PHACTR4: variants seen among roughly 807,000 people sequenced by gnomAD.
PHACTR4 encodes phosphatase and actin regulator 4.
A neutral mutation model predicts 72.7 loss-of-function variants in PHACTR4; 51 were observed. The observed-to-expected ratio is 0.70, with a 90% CI of 0.56 to 0.89. PHACTR4 has a LOEUF of 0.89. Ranked by LOEUF, PHACTR4 falls within the 40% of genes least tolerant of loss-of-function variation. The probability of loss-of-function intolerance (pLI) is 0.00; values close to 1 mark genes in which losing one functional copy is unlikely to be tolerated. For missense variants in PHACTR4, 731 were observed against 861.8 expected, an observed-to-expected ratio of 0.85 and a Z score of 1.90; for synonymous variants, 255 against 302.5, an observed-to-expected ratio of 0.84 and a Z score of 1.63.
rs1257840170 is a variant in PHACTR4 at position 28,499,567 on chromosome 1, C to A, written c.*3018C>A. ...CAATCTTGGCTCAGAGCAACCTCTG[C>A]CTCCCAGGCTCAAGCAATCCTCCCA... On this transcript the variant is annotated 3_prime_UTR_variant, in exon 14 of 14. Transcript: ENST00000373839. The A allele has an allele frequency of 1.3e-5, 2 of 152,248 alleles. No individual in the cohort carries two copies. Among genetic ancestry groups the A allele is most frequent in the African/African-American group, 4.8e-5 (2 of 41,430 alleles). The allele number at this position is 152,248 out of a possible 1,614,324, so 9.4% of individuals were successfully genotyped here.
intron 3 of PHACTR4, 98 bp downstream of exon 3, chr1:28,459,356 A>G: frequency 3.3e-6 from 3 of 901,360 alleles, no homozygotes; most frequent in Non-Finnish European, 4.9e-6. Flanking sequence ...GTAGTCCTCT[A>G]TTTGAAGAGG....
intron 2 of PHACTR4, chr1:28,457,882 G>A (rs747565765): frequency 1.2e-4 from 122 of 982,328 alleles, no homozygotes; most frequent in Non-Finnish European, 1.4e-4. Flanking sequence ...GCTGCATTGT[G>A]TACCTTCCTG....
At chr1:28,413,529 T>C (rs1654913575) in intron 2 of PHACTR4, among the ~76,000 whole-genome samples, 1 of 152,232 alleles carries the variant, frequency 6.6e-6, no homozygotes, top group Non-Finnish European at 1.5e-5. Context: ...GGAATAATTA[T>C]CTAATTCATT....
chr1:28,473,910 G>T lies in PHACTR4; in HGVS notation c.1180G>T (p.Val394Phe), dbSNP rs1331313511. Residue 394 changes from valine (V) to phenylalanine (F), a missense_variant, in exon 7 of 14, where the codon GTC becomes TTC. Physicochemically the swap from Val to Phe is conservative, Grantham distance 50 (BLOSUM62 -1). Transcript: ENST00000373839. ...IPQQEDQKKE[V>F]PKRILDQNFG... ...CCAGCAGGAAGATCAGAAAAAGGAAGTCCCCAAGAGGATACTGGACCAGAA... is the reference window on the plus strand; with the variant it reads ...CCAGCAGGAAGATCAGAAAAAGGAATTCCCCAAGAGGATACTGGACCAGAA... 1 of 1,614,140 alleles carries T rather than the reference G, an allele frequency of 6.2e-7. No homozygotes were observed. Among genetic ancestry groups the T allele is most frequent in the African/African-American group, 1.3e-5 (1 of 75,018 alleles).
chr1:28,380,352 G>A (rs941133343), intron 1 of PHACTR4, among the ~76,000 whole-genome samples: 2 of 152,078 alleles, frequency 1.3e-5, no homozygotes, highest in Admixed American at 6.6e-5. Context: ...CACCGCGCCC[G>A]GCCTTAAATG....
intron 8 of PHACTR4, among the ~76,000 whole-genome samples, chr1:28,478,327 A>G (rs1660051671): frequency 6.6e-6 from 1 of 152,086 alleles, no homozygotes; most frequent in Non-Finnish European, 1.5e-5. Flanking sequence ...CTGATTCCAT[A>G]TCTTGGGGAT....
chr1:28,408,418 C>T (rs892362452), intron 2 of PHACTR4, among the ~76,000 whole-genome samples: 1 of 152,048 alleles, frequency 6.6e-6, no homozygotes, highest in African/African-American at 2.4e-5. Flanking sequence ...ATTAGCTGGG[C>T]ATGGTAGTGG....
At chr1:28,371,708 T>C (rs1224858438) in intron 1 of PHACTR4, among the ~76,000 whole-genome samples, 2 of 151,778 alleles carry the variant, frequency 1.3e-5, no homozygotes, top group Admixed American at 6.6e-5. Context: ...CTCAAGCCTC[T>C]GCCTCCAGAG....
At chr1:28,370,191 C>T (rs1651122580) in intron 1 of PHACTR4, among the ~76,000 whole-genome samples, 2 of 152,112 alleles carry the variant, frequency 1.3e-5, no homozygotes, top group Admixed American at 6.5e-5. Flanking sequence ...GGGACTGCTC[C>T]CTGGGGATCC....
intron 9 of PHACTR4, among the ~76,000 whole-genome samples, chr1:28,487,727 G>GTTGTTTTTTTTT (rs1660774578): frequency 3.2e-5 from 2 of 63,304 alleles, no homozygotes; most frequent in Admixed American, 1.8e-4. Flanking sequence ...GTTTTTTGTT[G>GTTGTTTTTTTTT]TTTTTTTTTT....
rs145593941 is a variant in PHACTR4 at position 28,470,346 on chromosome 1, T to C, written c.824-3208T>C. Among the ~76,000 whole-genome samples the C allele has an allele frequency of 9.5e-4, 144 of 151,994 alleles. No homozygotes were observed. In the East Asian group the frequency reaches 0.019, roughly 20 times the overall value. On this transcript the variant is annotated intron_variant, in intron 6 of 13. Coordinates refer to ENST00000373839, the MANE Select transcript of PHACTR4 (RefSeq NM_001048183.3). The stretch of plus-strand genomic sequence containing the variant: ...AGTTCAAGGCTGCAGTGAGTTATGA[T>C]TGCACCACTGCACTCTAGCCTGGGT...
chr1:28,404,111 A>G (rs565471791), intron 1 of PHACTR4, among the ~76,000 whole-genome samples: 19 of 151,854 alleles, frequency 1.3e-4, no homozygotes, highest in Non-Finnish European at 1.3e-4. Flanking sequence ...CACCATGCTC[A>G]AGTAATTTTT....
At position 28,478,603 on chromosome 1, in the gene PHACTR4, A is replaced by AGTTTTT. The variant is rs144669163; in HGVS notation, c.1607-1823_1607-1818dup. On this transcript the variant is annotated intron_variant, in intron 8 of 13. Transcript: ENST00000373839. ...TGTATCACCATGCCCAGCTCATTTT[A>AGTTTTT]GTTTTTGTTTTTGTTTTTGTTTTTG... Among the ~76,000 whole-genome samples, 760 of 151,634 alleles carry AGTTTTT rather than the reference A, an allele frequency of 5.0e-3. 5 individuals are homozygous for AGTTTTT. Among genetic ancestry groups the AGTTTTT allele is most frequent in the African/African-American group, 0.017 (707 of 41,324 alleles).
intron 2 of PHACTR4, among the ~76,000 whole-genome samples, chr1:28,449,802 A>G (rs527377912): frequency 4.6e-5 from 7 of 151,908 alleles, no homozygotes; most frequent in Non-Finnish European, 8.8e-5. Flanking sequence ...CAGTGAGCTG[A>G]GATCGTGCCA....
intron 2 of PHACTR4, among the ~76,000 whole-genome samples, chr1:28,450,363 A>G (rs1657852622): frequency 6.6e-6 from 1 of 152,024 alleles, no homozygotes; most frequent in Admixed American, 6.6e-5. Context: ...TAGTTTAAAC[A>G]GAAACAACAG....
intron 2 of PHACTR4, among the ~76,000 whole-genome samples, chr1:28,431,583 G>C (rs953084776): frequency 6.6e-6 from 1 of 151,930 alleles, no homozygotes; most frequent in Middle Eastern, 3.2e-3. Flanking sequence ...AAAGCTTACC[G>C]TGATCTCAGT....
chr1:28,483,096 C>A (rs1008081852), intron 9 of PHACTR4, among the ~76,000 whole-genome samples: 5 of 151,958 alleles, frequency 3.3e-5, no homozygotes, highest in Non-Finnish European at 7.4e-5. Flanking sequence ...CCTCTGTGGT[C>A]TGACTACTTT....
intron 2 of PHACTR4, chr1:28,453,940 G>C (rs1658169751): frequency 1.5e-6 from 1 of 657,798 alleles, no homozygotes; most frequent in Admixed American, 1.9e-5. Context: ...ACACGGCCAG[G>C]CACGGTGGCA....
intron 1 of PHACTR4, among the ~76,000 whole-genome samples, chr1:28,400,992 G>A (rs1179540030): frequency 2.0e-5 from 3 of 152,154 alleles, no homozygotes; most frequent in Non-Finnish European, 2.9e-5. Flanking sequence ...CACCTGTCTG[G>A]AGTTCTGGTT....
Sources: gnomAD v4.1 joint callset for allele counts (sites outside exome capture counted in the v4.1 genomes callset) on GRCh38, gnomAD v4.1.1 for gene constraint, MANE v1.5 for transcripts, NCBI Gene and HGNC (gene_info 2026-07-23, HGNC 2026-07-21) for gene names.